Variants in GRIP1 observed in about 807,000 individuals in gnomAD.
The protein encoded by GRIP1 is glutamate receptor interacting protein 1.
A neutral mutation model predicts 129.9 loss-of-function variants in GRIP1; 45 were observed. That is an observed-to-expected ratio of 0.35 (90% confidence interval 0.27 to 0.44). GRIP1 has a LOEUF of 0.44. GRIP1 is among the 20% of genes least tolerant of loss of function. GRIP1 has a pLI of 1.00. For synonymous variants in GRIP1, 530 were observed against 520.8 expected (o/e 1.02, Z -0.24); for missense variants, 1,196 against 1,396.8 (o/e 0.86, Z 2.29).
intron 15 of GRIP1, among the ~76,000 whole-genome samples, chr12:66,411,564 T>C (rs1200008914): frequency 2.6e-5 from 4 of 151,938 alleles, no homozygotes; most frequent in African/African-American, 9.7e-5. Context: ...AAAGCCAGAG[T>C]GCTTCTTCTC....
chr12:66,751,309 C>T (rs552111552), intron 1 of GRIP1, among the ~76,000 whole-genome samples: 3 of 152,180 alleles, frequency 2.0e-5, no homozygotes, highest in East Asian at 3.9e-4. Flanking sequence ...TAGAGGAGTT[C>T]GGTGAGTAGA....
intron 1 of GRIP1, among the ~76,000 whole-genome samples, chr12:67,043,981 C>G (rs1351592466): frequency 6.6e-6 from 1 of 152,036 alleles, no homozygotes. Flanking sequence ...ACTGAAATAT[C>G]TAGGGCCCAT....
chr12:66,898,252 G>C (rs1053151550), intron 1 of GRIP1, among the ~76,000 whole-genome samples: 1 of 152,020 alleles, frequency 6.6e-6, no homozygotes, highest in African/African-American at 2.4e-5. Context: ...CCTTCCTCAG[G>C]AACTGGTTAT....
At chr12:66,784,921 C>T (rs934886404) in intron 1 of GRIP1, among the ~76,000 whole-genome samples, 2 of 152,110 alleles carry the variant, frequency 1.3e-5, no homozygotes, top group Non-Finnish European at 2.9e-5. Flanking sequence ...GTCCACATCT[C>T]CCTGAAGCAA....
chr12:66,683,824 T>G (rs530382525), upstream of GRIP1, among the ~76,000 whole-genome samples: 1 of 152,264 alleles, frequency 6.6e-6, no homozygotes, highest in South Asian at 2.1e-4. Context: ...AGATAGAATA[T>G]GTAGAAATTG....
At chr12:66,981,725 C>CA (rs946522833) in intron 1 of GRIP1, among the ~76,000 whole-genome samples, 1 of 152,080 alleles carries the variant, frequency 6.6e-6, no homozygotes, top group Non-Finnish European at 1.5e-5. Context: ...TACAATTTTT[C>CA]AAAAATAAAG....
Position 66,351,962 on chromosome 12 carries a change from A to G in GRIP1, c.3159+1455T>C, listed in dbSNP as rs143212696. Among the ~76,000 whole-genome samples, 232 of 152,254 alleles carry G rather than the reference A, an allele frequency of 1.5e-3. 2 individuals are homozygous for G. The highest frequency in any genetic ancestry group is 5.2e-3 in the African/African-American group (216 of 41,550). ...GTTGAGAATCGCTGATCTATGTGAG[A>G]CCAAAAAGTTGAGTCGGAATGAGGC... On this transcript the variant is annotated intron_variant, in intron 24 of 24. Coordinates refer to ENST00000359742, the MANE Select transcript of GRIP1 (RefSeq NM_001366722.1).
chr12:66,520,655 C>G (rs536346955), intron 5 of GRIP1, among the ~76,000 whole-genome samples: 1 of 152,306 alleles, frequency 6.6e-6, no homozygotes, highest in Non-Finnish European at 1.5e-5. Flanking sequence ...TTCCTGCAAA[C>G]TGTGGGAAGG....
At chr12:66,870,778 G>A (rs1298899383) in intron 1 of GRIP1, among the ~76,000 whole-genome samples, 3 of 152,148 alleles carry the variant, frequency 2.0e-5, no homozygotes, top group Middle Eastern at 3.4e-3. Context: ...TCAATGCTAG[G>A]ATTTACAGTC....
chr12:66,905,535 T>C (rs971398035), intron 1 of GRIP1, among the ~76,000 whole-genome samples: 1 of 152,238 alleles, frequency 6.6e-6, no homozygotes, highest in Admixed American at 6.5e-5. Context: ...AATTCAGGTA[T>C]GATTGAAATG....
At chr12:66,521,022 G>T (rs150144488) in intron 5 of GRIP1, among the ~76,000 whole-genome samples, 1 of 152,318 alleles carries the variant, frequency 6.6e-6, no homozygotes, top group Non-Finnish European at 1.5e-5. Context: ...AATGGTTAGG[G>T]TAAATGATCT....
rs182672866 is a variant in GRIP1 at position 67,001,111 on chromosome 12, C to T, written c.58+67939G>A. On this transcript the variant is annotated intron_variant, in intron 1 of 1. Transcript: ENST00000643019. ...TCTGAACCTGTGCTTTTGTAAAATG[C>T]TTCCAGGCCAGTTCAACTTATCCCT... 6.9e-4 allele frequency among the ~76,000 whole-genome samples: 105 copies of T among 152,276 alleles called. 1 individual carries two copies. Among genetic ancestry groups the T allele is most frequent in the Middle Eastern group, 6.8e-3 (2 of 294 alleles).
At chr12:66,755,860 G>A (rs2037272611) in intron 1 of GRIP1, among the ~76,000 whole-genome samples, 3 of 152,158 alleles carry the variant, frequency 2.0e-5, no homozygotes, top group Admixed American at 2.0e-4. Context: ...CTGTTGTGGA[G>A]TGTGGTTCTT....
intron 7 of GRIP1, among the ~76,000 whole-genome samples, chr12:66,501,519 T>C (rs1248266722): frequency 1.3e-5 from 2 of 152,140 alleles, no homozygotes; most frequent in South Asian, 2.1e-4. Context: ...TCTTAATTAG[T>C]ACTTAATAGC....
chr12:66,378,492 A>G (rs1437573057), intron 20 of GRIP1, among the ~76,000 whole-genome samples: 1 of 151,894 alleles, frequency 6.6e-6, no homozygotes, highest in Non-Finnish European at 1.5e-5. Flanking sequence ...TCACACCTGT[A>G]ATCCCAGCAC....
At chr12:66,475,106 T>C (rs1592389332) in intron 7 of GRIP1, among the ~76,000 whole-genome samples, 1 of 151,864 alleles carries the variant, frequency 6.6e-6, no homozygotes, top group East Asian at 1.9e-4. Flanking sequence ...GAGACACACA[T>C]AGGATCAAAA....
At chr12:66,889,892 T>C (rs1327750790) in intron 1 of GRIP1, among the ~76,000 whole-genome samples, 1 of 152,144 alleles carries the variant, frequency 6.6e-6, no homozygotes, top group Non-Finnish European at 1.5e-5. Context: ...TTAAATTTCA[T>C]AGAGAGGTAA....
chr12:66,404,896 G>T (rs1356409440), intron 16 of GRIP1, among the ~76,000 whole-genome samples: 1 of 152,136 alleles, frequency 6.6e-6, no homozygotes, highest in African/African-American at 2.4e-5. Flanking sequence ...GCCAGGAAAG[G>T]TGACACACAC....
At chr12:66,639,840 G>C (rs974093135) in intron 1 of GRIP1, among the ~76,000 whole-genome samples, 1 of 152,140 alleles carries the variant, frequency 6.6e-6, no homozygotes, top group Non-Finnish European at 1.5e-5. Flanking sequence ...TGAGCAACTG[G>C]ATGAATTTAG....
Sources: gnomAD v4.1 joint callset for allele counts (sites outside exome capture counted in the v4.1 genomes callset) on GRCh38, gnomAD v4.1.1 for gene constraint, MANE v1.5 for transcripts, NCBI Gene and HGNC (gene_info 2026-07-23, HGNC 2026-07-21) for gene names.